The following MARCHF1 variants were observed in gnomAD, a reference collection of about 807,000 sequenced individuals.
MARCHF1 encodes E3 ubiquitin-protein ligase MARCHF1.
In MARCHF1, 40 loss-of-function variants were observed where a neutral mutation model predicts 54.2. The observed-to-expected ratio is 0.74, with a 90% CI of 0.57 to 0.96. The LOEUF (loss-of-function observed/expected upper bound fraction) is 0.96, where lower values mean the gene tolerates loss of function less well. MARCHF1 is among the 40% of genes least tolerant of loss of function. The pLI is 0.00. For missense variants in MARCHF1, 586 were observed against 656.5 expected, an observed-to-expected ratio of 0.89 and a Z score of 1.17; for synonymous variants, 236 against 236.3, an observed-to-expected ratio of 1.00 and a Z score of 0.01.
chr4:163,898,745 T>C (rs931508286), intron 3 of MARCHF1, among the ~76,000 whole-genome samples: 6 of 152,204 alleles, frequency 3.9e-5, no homozygotes, highest in Non-Finnish European at 7.3e-5. Context: ...TGTATATTCA[T>C]TGCAGCACTA....
intron 5 of MARCHF1, among the ~76,000 whole-genome samples, chr4:163,683,374 C>A (rs1340188421): frequency 6.6e-6 from 1 of 152,082 alleles, no homozygotes. Context: ...ACGGGAAAGA[C>A]CTGCCCCCAT....
intron 4 of MARCHF1, among the ~76,000 whole-genome samples, chr4:163,773,293 G>A (rs1391252096): frequency 6.6e-6 from 1 of 152,152 alleles, no homozygotes; most frequent in Non-Finnish European, 1.5e-5. Flanking sequence ...TCCAAAAGGA[G>A]CCAGGTTACC....
intron 2 of MARCHF1, among the ~76,000 whole-genome samples, chr4:164,093,567 T>C (rs1755348309): frequency 6.6e-6 from 1 of 152,150 alleles, no homozygotes; most frequent in Non-Finnish European, 1.5e-5. Context: ...TCCCAGATTC[T>C]CTTGGTTAAG....
At chr4:164,256,248 TATATTAG>T (rs1733276536) in intron 1 of MARCHF1, among the ~76,000 whole-genome samples, 1 of 151,890 alleles carries the variant, frequency 6.6e-6, no homozygotes, top group Non-Finnish European at 1.5e-5. Flanking sequence ...GAAAATCTTA[TATATTAG>T]ATATTAAATA....
intron 5 of MARCHF1, among the ~76,000 whole-genome samples, chr4:163,699,064 A>G (rs1247803626): frequency 6.6e-6 from 1 of 152,182 alleles, no homozygotes. Context: ...GTCGGAAGCG[A>G]CACAGCGGTG....
chr4:163,964,847 A>G (rs577043503), intron 3 of MARCHF1, among the ~76,000 whole-genome samples: 2 of 152,124 alleles, frequency 1.3e-5, no homozygotes, highest in South Asian at 4.1e-4. Context: ...TTAAATGATC[A>G]TCTTTGAGCT....
At chr4:163,677,948 G>T (rs777719960) in intron 5 of MARCHF1, among the ~76,000 whole-genome samples, 4 of 152,184 alleles carry the variant, frequency 2.6e-5, no homozygotes, top group African/African-American at 4.8e-5. Flanking sequence ...ACTTAGCAAG[G>T]TTGGAAGGAT....
intron 2 of MARCHF1, among the ~76,000 whole-genome samples, chr4:164,089,525 C>T (rs1579523736): frequency 6.6e-6 from 1 of 152,066 alleles, no homozygotes; most frequent in African/African-American, 2.4e-5. Flanking sequence ...TTTAAAATGG[C>T]TGCATATGTC....
At position 164,328,863 on chromosome 4, in the gene MARCHF1, T is replaced by A. The variant is rs180755144; in HGVS notation, c.-323+55007A>T. ...TATTTTTAAACAAATTAAATGTGGC[T>A]TTATATATTTCACAGGATAAAATGG... On this transcript the variant is annotated intron_variant, in intron 1 of 9. Transcript: ENST00000514618. Among the ~76,000 whole-genome samples, 121 of 152,238 alleles carry A rather than the reference T, an allele frequency of 7.9e-4. 3 individuals are homozygous for A. In the East Asian group the frequency reaches 0.021, roughly 26 times the overall value.
chr4:164,077,218 T>G (rs1038069747), intron 2 of MARCHF1, among the ~76,000 whole-genome samples: 1 of 152,050 alleles, frequency 6.6e-6, no homozygotes. Context: ...TCTTGAGAAA[T>G]AATGCCACAT....
At chr4:164,197,131 C>A (rs1731288695) in intron 1 of MARCHF1, 1 of 1,605,854 alleles carries the variant, frequency 6.2e-7, no homozygotes, top group African/African-American at 1.3e-5. Flanking sequence ...CTCCTCTTCA[C>A]CTTCCTCCTC....
At chr4:164,360,547 G>A (rs898087427) in intron 1 of MARCHF1, among the ~76,000 whole-genome samples, 2 of 152,136 alleles carry the variant, frequency 1.3e-5, no homozygotes, top group Non-Finnish European at 2.9e-5. Context: ...TTATGAAGTT[G>A]TAGTTCAGTG....
intron 1 of MARCHF1, among the ~76,000 whole-genome samples, chr4:164,232,941 CTA>C (rs1218314531): frequency 6.6e-6 from 1 of 152,118 alleles, no homozygotes; most frequent in Non-Finnish European, 1.5e-5. Context: ...TTTCTCAACA[CTA>C]TAACTACCTG....
At chr4:163,861,685 T>TA (rs1749938185) in intron 3 of MARCHF1, among the ~76,000 whole-genome samples, 1 of 152,054 alleles carries the variant, frequency 6.6e-6, no homozygotes, top group African/African-American at 2.4e-5. Context: ...ACAATCTGAA[T>TA]AAAAATCCTA....
At chr4:163,810,911 G>A (rs1748365966) in intron 4 of MARCHF1, among the ~76,000 whole-genome samples, 1 of 151,788 alleles carries the variant, frequency 6.6e-6, no homozygotes, top group African/African-American at 2.4e-5. Flanking sequence ...TTAAGCAATA[G>A]TGACTCAGAT....
At chr4:163,997,864 A>G (rs529747621) in intron 2 of MARCHF1, among the ~76,000 whole-genome samples, 6 of 151,696 alleles carry the variant, frequency 4.0e-5, no homozygotes, top group Non-Finnish European at 8.8e-5. Flanking sequence ...TGGTCTAGCT[A>G]TTGACTATTT....
intron 1 of MARCHF1, among the ~76,000 whole-genome samples, chr4:164,219,695 C>A (rs1421593411): frequency 6.6e-6 from 1 of 151,892 alleles, no homozygotes; most frequent in South Asian, 2.1e-4. Flanking sequence ...TTTAAAAAGT[C>A]CATTCCTCTA....
rs878969513 is a variant in MARCHF1 at position 163,585,860 on chromosome 4, G to C, written c.1080C>G (p.Arg360=). ...ITPCRCTGTL[R]FVHQSCLHQW... Reference sequence around the variant, plus strand: ...GGTGGAGGCAGGACTGGTGGACAAAGCGCAGTGTCCCAGTGCAGCGACAGG... The same window carrying C: ...GGTGGAGGCAGGACTGGTGGACAAACCGCAGTGTCCCAGTGCAGCGACAGG... Residue 360 remains arginine (R), a synonymous_variant, in exon 8 of 10, where the codon CGC becomes CGG. Coordinates refer to ENST00000514618, the MANE Select transcript of MARCHF1 (RefSeq NM_001394959.1). The C allele has an allele frequency of 1.2e-6, 2 of 1,614,022 alleles. No homozygotes were observed. The highest frequency in any genetic ancestry group is 1.7e-4 in the Middle Eastern group (1 of 6,032).
At chr4:164,220,875 T>TA (rs780661157) in intron 1 of MARCHF1, among the ~76,000 whole-genome samples, 25 of 151,288 alleles carry the variant, frequency 1.7e-4, no homozygotes, top group Non-Finnish European at 3.3e-4. Context: ...TACATTTATT[T>TA]AAAAAAACAA....
Sources: gnomAD v4.1 joint callset for allele counts (sites outside exome capture counted in the v4.1 genomes callset) on GRCh38, gnomAD v4.1.1 for gene constraint, MANE v1.5 for transcripts, NCBI Gene and HGNC (gene_info 2026-07-23, HGNC 2026-07-21) for gene names.